UNC5A: variants seen among roughly 807,000 people sequenced by gnomAD.
UNC5A encodes the protein netrin receptor UNC5A.
Under a neutral mutation model 87.4 loss-of-function variants are expected in UNC5A, and 20 were observed. The ratio of observed to expected loss-of-function variants is 0.23; its 90% CI spans 0.16 to 0.33. The LOEUF is 0.33. Ranked by LOEUF, UNC5A falls within the 10% of genes least tolerant of loss-of-function variation. UNC5A has a pLI of 1.00. For synonymous variants in UNC5A, 438 were observed against 482.3 expected, an observed-to-expected ratio of 0.91 and a Z score of 1.20; for missense variants, 844 against 1,133.4, an observed-to-expected ratio of 0.74 and a Z score of 3.67.
chr5:176,842,383 A>G (rs1757297741), intron 1 of UNC5A, among the ~76,000 whole-genome samples: 1 of 152,216 alleles, frequency 6.6e-6, no homozygotes, highest in African/African-American at 2.4e-5. Flanking sequence ...AAAAGAAGTT[A>G]TTATACAGAA....
chr5:176,878,663 C>A lies in UNC5A; in HGVS notation c.2184+24C>A, dbSNP rs200431170. On this transcript the variant is annotated intron_variant, in intron 13 of 14. Coordinates refer to ENST00000329542, the MANE Select transcript of UNC5A (RefSeq NM_133369.3). ...AGGTGGACGGGAGGGGCTGCCGCAC[C>A]GCCGTGACGTGCTCCCACTACCAAC... 2.1e-5 allele frequency: 34 copies of A among 1,597,408 alleles called. No individual in the cohort carries two copies. In the East Asian group the frequency reaches 7.6e-4, roughly 36 times the overall value.
intron 1 of UNC5A, among the ~76,000 whole-genome samples, chr5:176,851,807 G>C (rs1379615555): frequency 6.6e-6 from 1 of 152,214 alleles, no homozygotes; most frequent in East Asian, 1.9e-4. Context: ...CTGTGGAACA[G>C]GTGCACTGTC....
intron 1 of UNC5A, among the ~76,000 whole-genome samples, chr5:176,833,764 A>G (rs1240441952): frequency 1.4e-5 from 2 of 146,446 alleles, no homozygotes; most frequent in East Asian, 2.0e-4. Flanking sequence ...GCTGGAGTGC[A>G]GTGGTGCGGT....
Position 176,874,671 on chromosome 5 carries a change from G to A in UNC5A, c.1378+105G>A. On this transcript the variant is annotated intron_variant, in intron 8 of 14. Coordinates refer to ENST00000329542, the MANE Select transcript of UNC5A (RefSeq NM_133369.3). This position sits in a 1 kb window ranked among gnomAD's most constrained non-coding sequence, Gnocchi z 7.6. ...CCCCTCGGTGTCCCGTGACAGATCA[G>A]CAAGGAAAGGGGGTGGAGTTTTGGG... The A allele has an allele frequency of 1.5e-6, 2 of 1,316,806 alleles. No individual in the cohort carries two copies. The highest frequency in any genetic ancestry group is 2.0e-6 in the Non-Finnish European group (2 of 981,364). 81.6% of individuals were successfully genotyped at this position (1,316,806 alleles called of 1,614,324 possible). A position where few individuals can be genotyped will look rare whatever the true frequency, so the allele number is the denominator to read the frequency against.
At position 176,880,768 on chromosome 5, in the gene UNC5A, G is replaced by A. The variant is rs1758401184; in HGVS notation, c.*882G>A. 1 of 256,564 alleles carries A rather than the reference G, an allele frequency of 3.9e-6. No homozygotes were observed. The allele number at this position is 256,564 out of a possible 1,614,324, so 15.9% of individuals were successfully genotyped here. A position where few individuals can be genotyped will look rare whatever the true frequency, so the allele number is the denominator to read the frequency against. ...GCGGGGCCTGTCATGTGAAGCTCGTGTCCTGACTTTGTCTTAAGTGCATTC... is the reference window on the plus strand; with the variant it reads ...GCGGGGCCTGTCATGTGAAGCTCGTATCCTGACTTTGTCTTAAGTGCATTC... On this transcript the variant is annotated 3_prime_UTR_variant, in exon 15 of 15. Transcript: ENST00000329542.
In UNC5A at chr5:176,865,522, T is replaced by C. The variant is rs773179049; in HGVS notation, c.293-2608T>C. On this transcript the variant is annotated intron_variant, in intron 2 of 14. Transcript: ENST00000329542. The surrounding 1 kb of genome is among the most constrained non-coding windows in gnomAD (Gnocchi z 5.3). ...ACCCGTAACCGCCAGGGTCCTCTTC[T>C]GCCCCGAGCATCCGACTCCAGCCTC... is the stretch of plus-strand genomic sequence containing the variant. The C allele has an allele frequency of 8.8e-6, 4 of 452,688 alleles. No homozygotes were observed. The highest frequency in any genetic ancestry group is 4.0e-5 in the African/African-American group (2 of 49,984). 28.0% of individuals were successfully genotyped at this position (452,688 alleles called of 1,614,324 possible).
In UNC5A at chr5:176,877,603, T is replaced by G. The variant is rs1275262064; in HGVS notation, c.1535T>G (p.Leu512Arg). The change falls in exon 10 of 15, where the codon CTC (leucine) becomes CGC (arginine). Residue 512 changes from leucine to arginine, a missense_variant. Leu to Arg is a moderately radical substitution (Grantham distance 102). This residue lies in a region of UNC5A where 353 missense variants were observed against 387.5 expected (regional missense o/e 0.91). Coordinates refer to ENST00000329542, the MANE Select transcript of UNC5A (RefSeq NM_133369.3). ...IVSCGPPGVL[L>R]TRPVILAMDH... ...AGCTGTGGACCCCCTGGCGTCCTGC[T>G]CACCCGGCCAGTCATCCTGGCTATG... The G allele has an allele frequency of 6.2e-7, 1 of 1,612,384 alleles. No individual in the cohort carries two copies. Among genetic ancestry groups the G allele is most frequent in the Non-Finnish European group, 8.5e-7 (1 of 1,179,534 alleles).
rs1758038756 is a variant in UNC5A, at chr5:176,868,865, G to A, written c.622G>A (p.Val208Met). 1 of 1,612,824 alleles carries A rather than the reference G, an allele frequency of 6.2e-7. No homozygotes were observed. The highest frequency in any genetic ancestry group is 8.5e-7 in the Non-Finnish European group (1 of 1,179,884). Residue 208 changes from valine to methionine, a missense_variant, in exon 5 of 15, where the codon GTG becomes ATG. By Grantham distance (21) the Val-to-Met change is conservative. Transcript: ENST00000329542. Reference protein sequence around the residue: ...VYITREHSLVVRQARLADTAN... With the variant: ...VYITREHSLVMRQARLADTAN... ...CATCACGCGGGAGCACAGCCTGGTG[G>A]TGCGACAGGCCCGCCTTGCTGACAC...
Position 176,868,874 on chromosome 5 carries a change from G to T in UNC5A, c.631G>T (p.Ala211Ser). The T allele has an allele frequency of 6.2e-7, 1 of 1,612,898 alleles. No homozygotes were observed. Among genetic ancestry groups the T allele is most frequent in the Non-Finnish European group, 8.5e-7 (1 of 1,179,874 alleles). Residue 211 changes from alanine to serine, a missense_variant, in exon 5 of 15, where the codon GCC (alanine) becomes TCC (serine). Transcript: ENST00000329542. ...GGAGCACAGCCTGGTGGTGCGACAG[G>T]CCCGCCTTGCTGACACGGCCAACTA... The part of the protein sequence containing the change: ...TREHSLVVRQ[A>S]RLADTANYTC...
At chr5:176,815,977 C>T (rs1282036399) in intron 1 of UNC5A, among the ~76,000 whole-genome samples, 1 of 152,268 alleles carries the variant, frequency 6.6e-6, no homozygotes, top group African/African-American at 2.4e-5. Context: ...ACTCTCAGGA[C>T]ATGGCACAGA....
At chr5:176,855,549 A>G (rs944723656) in intron 1 of UNC5A, among the ~76,000 whole-genome samples, 1 of 152,220 alleles carries the variant, frequency 6.6e-6, no homozygotes, top group Admixed American at 6.5e-5. Flanking sequence ...AGAAAGTGAG[A>G]GGGAGGCAGA....
chr5:176,840,414 G>A lies in UNC5A; in HGVS notation c.71-22210G>A, dbSNP rs116485190. ...AGCCATTATTCATTCCCACCAGCCC[G>A]CAGCTTCCTAAATGAGATAACACTC... On this transcript the variant is annotated intron_variant, in intron 1 of 14. Transcript: ENST00000329542. Among the ~76,000 whole-genome samples, 1,444 of 152,280 alleles carry A rather than the reference G, an allele frequency of 9.5e-3. 31 individuals carry two copies. Among genetic ancestry groups the A allele is most frequent in the African/African-American group, 0.033 (1,385 of 41,554 alleles).
intron 1 of UNC5A, among the ~76,000 whole-genome samples, chr5:176,837,498 A>G (rs532243041): frequency 6.6e-6 from 1 of 152,274 alleles, no homozygotes; most frequent in East Asian, 1.9e-4. Context: ...CACACCCTGG[A>G]GAACTTGGGT....
intron 10 of UNC5A, 37 bp downstream of exon 10, chr5:176,877,740 G>C: frequency 6.4e-7 from 1 of 1,560,300 alleles, no homozygotes; most frequent in East Asian, 2.3e-5. Flanking sequence ...AGAAGGGAAC[G>C]TGGGCTAACT....
rs754407172 is a variant in UNC5A, at chr5:176,862,731, C to G, written c.178C>G (p.Pro60Ala). ...PEDVYIVKNK[P>A]VLLVCKAVPA... ...GGATGTGTACATCGTCAAGAACAAG[C>G]CAGTGCTGCTTGTGTGCAAGGCCGT... Residue 60 changes from proline (P) to alanine (A), a missense_variant, in exon 2 of 15, where the codon CCA becomes GCA. Pro to Ala is a conservative substitution (Grantham distance 27). Coordinates refer to ENST00000329542, the MANE Select transcript of UNC5A (RefSeq NM_133369.3). 4.3e-6 allele frequency: 7 copies of G among 1,613,644 alleles called. No homozygotes were observed. The highest frequency in any genetic ancestry group is 1.6e-4 in the Middle Eastern group (1 of 6,062).
At position 176,879,491 on chromosome 5, in the gene UNC5A, G is replaced by A; in HGVS notation, c.2363+3G>A. 5 of 1,602,300 alleles carry A rather than the reference G, an allele frequency of 3.1e-6. No individual in the cohort carries two copies. The highest frequency in any genetic ancestry group is 4.3e-6 in the Non-Finnish European group (5 of 1,174,810). On this transcript the variant is annotated splice_donor_region_variant and intron_variant, in intron 14 of 14. Transcript: ENST00000329542. ...GCCCAGAAACTCCACCTGGACAGGTGGGCGGGAGAGGGGCAGAGAGGGCCT... is the reference window on the plus strand; with the variant it reads ...GCCCAGAAACTCCACCTGGACAGGTAGGCGGGAGAGGGGCAGAGAGGGCCT...
intron 1 of UNC5A, among the ~76,000 whole-genome samples, chr5:176,857,314 T>G (rs1000145): frequency 0.11 from 17,338 of 152,166 alleles, 1,255 homozygotes; most frequent in East Asian, 0.36. Context: ...CACTCAATAA[T>G]TATTTGTTGA....
chr5:176,874,383 C>A lies in UNC5A; in HGVS notation c.1195C>A (p.Leu399Met), dbSNP rs140286537. 5.0e-6 allele frequency: 8 copies of A among 1,613,672 alleles called. No homozygotes were observed. Among genetic ancestry groups the A allele is most frequent in the Non-Finnish European group, 5.9e-6 (7 of 1,179,978 alleles). Residue 399 changes from leucine (L) to methionine (M), a missense_variant, in exon 8 of 15, where the codon CTG becomes ATG. By Grantham distance (15) the Leu-to-Met change is conservative (BLOSUM62 2). Transcript: ENST00000329542. This position sits in a 1 kb window ranked among gnomAD's most constrained non-coding sequence, Gnocchi z 7.6. ...SPKFQLTNGH[L>M]LSPLGGGRHT... ...CAAGTTCCAGCTCACCAATGGGCACCTGCTCAGCCCCCTGGGTGGCGGCCG... is the reference window on the plus strand; with the variant it reads ...CAAGTTCCAGCTCACCAATGGGCACATGCTCAGCCCCCTGGGTGGCGGCCG...
intron 1 of UNC5A, among the ~76,000 whole-genome samples, chr5:176,856,304 G>A (rs1166329558): frequency 6.6e-6 from 1 of 152,206 alleles, no homozygotes; most frequent in South Asian, 2.1e-4. Flanking sequence ...ATGTGCCAGC[G>A]GGTGGCTGGG....
Sources: allele counts gnomAD v4.1 joint callset (sites outside exome capture counted in the v4.1 genomes callset), GRCh38; gene constraint gnomAD v4.1.1; regional missense constraint gnomAD v4.1.1; non-coding constraint Gnocchi (gnomAD v3.1); transcripts MANE v1.5; gene names NCBI Gene and HGNC (gene_info 2026-07-23, HGNC 2026-07-21).